Variants in FMC1 observed in about 807,000 individuals in gnomAD.
FMC1 encodes the protein protein FMC1 homolog.
FMC1 carries 6 observed loss-of-function variants against 10.5 expected under a neutral mutation model. The ratio of observed to expected loss-of-function variants is 0.57; its 90% CI spans 0.31 to 1.12. The LOEUF is 1.12. Among genes scored for constraint, FMC1 ranks in the 50% most tolerant of loss-of-function variants. FMC1 has a pLI of 0.05. For synonymous variants in FMC1, 59 were observed against 62.1 expected, an observed-to-expected ratio of 0.95 and a Z score of 0.24; for missense variants, 146 against 151.7, an observed-to-expected ratio of 0.96 and a Z score of 0.20.
In FMC1 at chr7:139,341,381, G is replaced by A; in HGVS notation, c.-4G>A. ...GGGCACCACGCTCGGAGAAGGACAGGACAATGGCGGCCTTAGGGTCCCCGT... is the reference window on the plus strand; with the variant it reads ...GGGCACCACGCTCGGAGAAGGACAGAACAATGGCGGCCTTAGGGTCCCCGT... On this transcript the variant is annotated 5_prime_UTR_variant, in exon 1 of 2. Coordinates refer to ENST00000297534, the MANE Select transcript of FMC1 (RefSeq NM_197964.5). The A allele has an allele frequency of 6.2e-7, 1 of 1,612,360 alleles. No individual in the cohort carries two copies. The highest frequency in any genetic ancestry group is 1.1e-5 in the South Asian group (1 of 91,018).
At chr7:139,343,128 A>G (rs868045436) in intron 1 of FMC1, among the ~76,000 whole-genome samples, 6 of 152,172 alleles carry the variant, frequency 3.9e-5, no homozygotes, top group Admixed American at 1.3e-4. Context: ...TTCAGGCTCA[A>G]CCGAATCAAG....
At chr7:139,341,130 C>T (rs1798931027), upstream of FMC1, 3 of 436,680 alleles carry the variant, frequency 6.9e-6, no homozygotes, top group Non-Finnish European at 1.1e-5. Flanking sequence ...CCCCTGTTTC[C>T]CCAAACCCTT....
chr7:139,341,608 A>T lies in FMC1; in HGVS notation c.138+86A>T, dbSNP rs546373889. The T allele has an allele frequency of 5.9e-6, 9 of 1,534,564 alleles. No individual in the cohort carries two copies. The South Asian group carries it at 8.5e-5, about 14-fold the overall frequency. On this transcript the variant is annotated intron_variant, in intron 1 of 1. Transcript: ENST00000297534. ...GCTAGGGTGGGGAGCACGGTGTTTA[A>T]TTCCTGCATTTCTGAGGCCAACCCT...
At position 139,345,730 on chromosome 7, in the gene FMC1, C is replaced by T; in HGVS notation, c.*26C>T. The T allele has an allele frequency of 6.3e-7, 1 of 1,598,186 alleles. No homozygotes were observed. The highest frequency in any genetic ancestry group is 1.1e-5 in the South Asian group (1 of 89,318). ...ACATGGAGAATATCCTTGGATGCTGCATTCATAGGAGAATTGAATAATTTC... is the reference window on the plus strand; with the variant it reads ...ACATGGAGAATATCCTTGGATGCTGTATTCATAGGAGAATTGAATAATTTC... On this transcript the variant is annotated 3_prime_UTR_variant, in exon 2 of 2. Transcript: ENST00000297534.
Position 139,345,622 on chromosome 7 carries a change from G to T in FMC1, c.260G>T (p.Gly87Val). ...VALHQEFHGK[G>V]ERSVEESAGL... ...CTACATCAGGAATTTCATGGCAAGG[G>T]TGAGCGCTCGGTGGAGGAGTCTGCT... is the stretch of plus-strand genomic sequence containing the variant. Residue 87 changes from glycine to valine, a missense_variant, in exon 2 of 2, where the codon GGT (glycine) becomes GTT (valine). Gly to Val is a moderately radical substitution (Grantham distance 109). Coordinates refer to ENST00000297534, the MANE Select transcript of FMC1 (RefSeq NM_197964.5). 9.3e-6 allele frequency: 15 copies of T among 1,614,172 alleles called. No homozygotes were observed. The highest frequency in any genetic ancestry group is 1.3e-5 in the Non-Finnish European group (15 of 1,180,040).
At chr7:139,340,503 G>C, upstream of FMC1, 1 of 398,538 alleles carries the variant, frequency 2.5e-6, no homozygotes, top group Non-Finnish European at 4.4e-6. Context: ...CCGGAGCATC[G>C]GTGCAGTTTC....
Sources: gnomAD v4.1 joint callset for allele counts (sites outside exome capture counted in the v4.1 genomes callset) on GRCh38, gnomAD v4.1.1 for gene constraint, MANE v1.5 for transcripts, NCBI Gene and HGNC (gene_info 2026-07-23, HGNC 2026-07-21) for gene names.